The following NDST3 variants were observed in gnomAD, a reference collection of about 807,000 sequenced individuals.
The protein encoded by NDST3 is bifunctional heparan sulfate N-deacetylase/N-sulfotransferase 3.
A neutral mutation model predicts 96.1 loss-of-function variants in NDST3; 58 were observed. That is an observed-to-expected ratio of 0.60 (90% CI 0.49 to 0.75). NDST3 has a LOEUF of 0.75. Among genes scored for constraint, NDST3 ranks in the 30% least tolerant of loss-of-function variants. The pLI is 0.00. For missense variants in NDST3, 788 were observed against 1,034.2 expected (o/e 0.76, Z 3.27); for synonymous variants, 333 against 359.7 (o/e 0.93, Z 0.84).
chr4:118,137,684 T>G (rs1733225229), intron 4 of NDST3, among the ~76,000 whole-genome samples: 1 of 152,172 alleles, frequency 6.6e-6, no homozygotes, highest in Non-Finnish European at 1.5e-5. Context: ...TGGTTTTATT[T>G]TGCGGGAAGT....
chr4:118,248,117 G>A (rs145923564), intron 12 of NDST3, among the ~76,000 whole-genome samples: 43 of 152,274 alleles, frequency 2.8e-4, no homozygotes, highest in African/African-American at 9.6e-4. Flanking sequence ...TTAAGAGGCC[G>A]AGGCGGGTGG....
chr4:118,046,624 G>A (rs1724776970), intron 1 of NDST3, among the ~76,000 whole-genome samples: 3 of 152,122 alleles, frequency 2.0e-5, no homozygotes, highest in Admixed American at 2.0e-4. Flanking sequence ...TCGTGGCTTG[G>A]GAGCACTTTG....
intron 6 of NDST3, among the ~76,000 whole-genome samples, chr4:118,185,999 A>C (rs953222575): frequency 3.9e-5 from 6 of 152,210 alleles, no homozygotes; most frequent in Middle Eastern, 3.4e-3. Context: ...TGGTCTTGAA[A>C]CCCAGTGGGA....
intron 3 of NDST3, among the ~76,000 whole-genome samples, chr4:118,114,236 A>G (rs1014383029): frequency 4.6e-5 from 7 of 152,188 alleles, no homozygotes; most frequent in African/African-American, 1.7e-4. Flanking sequence ...ACTTCTGTCC[A>G]TCACCTTCAT....
In NDST3 at chr4:118,101,133, C is replaced by T. The variant is rs1033863172; in HGVS notation, c.982-3885C>T. Reference sequence around the variant, plus strand: ...AAGACATTCCACCAAGAATGCCACACGTGTCATCAACACTAACATAAATCT... The same window carrying T: ...AAGACATTCCACCAAGAATGCCACATGTGTCATCAACACTAACATAAATCT... On this transcript the variant is annotated intron_variant, in intron 2 of 13. Transcript: ENST00000296499. Among the ~76,000 whole-genome samples, 6 of 151,770 alleles carry T rather than the reference C, an allele frequency of 4.0e-5. No homozygotes were observed. The South Asian group carries it at 6.3e-4, about 16-fold the overall frequency.
At chr4:118,138,331 A>C in intron 5 of NDST3, 92 bp downstream of exon 5, 2 of 1,145,278 alleles carry the variant, frequency 1.7e-6, no homozygotes, top group Non-Finnish European at 2.4e-6. Flanking sequence ...TTAGCAGCAT[A>C]AATGTAGGAA....
chr4:118,197,391 G>C (rs1737765412), intron 6 of NDST3, among the ~76,000 whole-genome samples: 3 of 124,556 alleles, frequency 2.4e-5, no homozygotes, highest in Admixed American at 2.3e-4. Context: ...GATTGATGCA[G>C]TGTTGAAAGT....
chr4:118,073,637 C>T (rs1578583917), intron 2 of NDST3, among the ~76,000 whole-genome samples: 1 of 151,942 alleles, frequency 6.6e-6, no homozygotes, highest in Non-Finnish European at 1.5e-5. Context: ...GTCTAGTTAG[C>T]TATTGATCTT....
intron 2 of NDST3, among the ~76,000 whole-genome samples, chr4:118,062,957 G>T (rs541686478): frequency 6.6e-6 from 1 of 152,114 alleles, no homozygotes; most frequent in South Asian, 2.1e-4. Flanking sequence ...TTGGGAGGCC[G>T]AGGTGGTCAG....
chr4:118,143,503 A>T, intron 5 of NDST3, 53 bp from the exon 6 acceptor site: 2 of 1,572,964 alleles, frequency 1.3e-6, no homozygotes. Context: ...AAGTTTCAAC[A>T]AATTGATTGG....
At chr4:118,095,474 T>G (rs1729220542) in intron 2 of NDST3, among the ~76,000 whole-genome samples, 1 of 151,640 alleles carries the variant, frequency 6.6e-6, no homozygotes, top group Non-Finnish European at 1.5e-5. Context: ...ATAATTTTGG[T>G]AGGGTAACTT....
chr4:118,121,231 T>C (rs1390504545), intron 4 of NDST3, among the ~76,000 whole-genome samples: 2 of 152,190 alleles, frequency 1.3e-5, no homozygotes, highest in South Asian at 4.1e-4. Context: ...GTTGAACATA[T>C]TAATATGGTT....
chr4:118,250,682 C>A (rs1741641629), intron 12 of NDST3, among the ~76,000 whole-genome samples: 1 of 152,086 alleles, frequency 6.6e-6, no homozygotes, highest in South Asian at 2.1e-4. Flanking sequence ...CAGGGTTTCT[C>A]CATGTTGGTC....
chr4:118,251,946 T>A (rs1021950967), intron 12 of NDST3, among the ~76,000 whole-genome samples: 20 of 152,192 alleles, frequency 1.3e-4, no homozygotes, highest in Non-Finnish European at 2.8e-4. Context: ...TCCCTTTTTT[T>A]CTAAAACTTA....
chr4:118,206,659 A>C (rs78721511), intron 6 of NDST3, among the ~76,000 whole-genome samples: 9,199 of 144,192 alleles, frequency 0.064, 1,623 homozygotes, highest in African/African-American at 0.17. Context: ...TCTCTGTGTT[A>C]GCATTTGGGA....
intron 2 of NDST3, among the ~76,000 whole-genome samples, chr4:118,064,213 A>C (rs1338431686): frequency 6.6e-6 from 1 of 152,162 alleles, no homozygotes. Flanking sequence ...TCAGATTTTA[A>C]AGTCTGTGTG....
rs189758279 is a variant in NDST3 at position 118,242,224 on chromosome 4, A to G, written c.2399+75A>G. 629 of 985,496 alleles carry G rather than the reference A, an allele frequency of 6.4e-4. 7 individuals are homozygous for G. Among genetic ancestry groups the G allele is most frequent in the Non-Finnish European group, 8.3e-5 (53 of 639,152 alleles). The allele number at this position is 985,496 out of a possible 1,614,324, so 61.0% of individuals were successfully genotyped here. On this transcript the variant is annotated intron_variant, in intron 12 of 13. Coordinates refer to ENST00000296499, the MANE Select transcript of NDST3 (RefSeq NM_004784.3). ...TTCAAAGAAATTGCAGTTTGGTCAT[A>G]CAACTGTCAGGTTACTTGTTCCTTA...
chr4:118,250,529 G>A (rs1297754491), intron 12 of NDST3, among the ~76,000 whole-genome samples: 1 of 150,862 alleles, frequency 6.6e-6, no homozygotes, highest in Non-Finnish European at 1.5e-5. Flanking sequence ...TTGTTGCCCA[G>A]GCTGGAGTGC....
chr4:118,135,072 C>G (rs567891429), intron 4 of NDST3, among the ~76,000 whole-genome samples: 2 of 152,300 alleles, frequency 1.3e-5, no homozygotes, highest in South Asian at 4.1e-4. Context: ...GCAATCTTAA[C>G]CCAAACTTTT....
Sources: gnomAD v4.1 joint callset for allele counts (sites outside exome capture counted in the v4.1 genomes callset) on GRCh38, gnomAD v4.1.1 for gene constraint, MANE v1.5 for transcripts, NCBI Gene and HGNC (gene_info 2026-07-23, HGNC 2026-07-21) for gene names.